POF1B: variants seen among roughly 807,000 people sequenced by gnomAD.
POF1B encodes protein POF1B.
In POF1B, 53 loss-of-function variants were observed where a neutral mutation model predicts 55.3. The ratio of observed to expected loss-of-function variants is 0.96; its 90% CI spans 0.77 to 1.20. The LOEUF (loss-of-function observed/expected upper bound fraction) is 1.20, where lower values mean the gene tolerates loss of function less well. Among genes scored for constraint, POF1B ranks in the 50% most tolerant of loss-of-function variants. The pLI is 0.00. For missense variants in POF1B, 478 were observed against 420.5 expected, an observed-to-expected ratio of 1.14 and a Z score of -1.20; for synonymous variants, 188 against 148.3, an observed-to-expected ratio of 1.27 and a Z score of -1.95.
chrX:85,322,472 A>T (rs1409154094), intron 7 of POF1B, among the ~76,000 whole-genome samples: 2 of 111,928 alleles, frequency 1.8e-5, no homozygotes, highest in East Asian at 2.8e-4. Flanking sequence ...TAAACATTAG[A>T]CCTAAAACCA....
chrX:85,335,991 C>A (rs1933066361), intron 6 of POF1B, among the ~76,000 whole-genome samples: 1 of 109,846 alleles, frequency 9.1e-6, no homozygotes, highest in African/African-American at 3.3e-5. Context: ...CCCTAATACT[C>A]TCTCACCCCC....
At chrX:85,315,336 T>A (rs1169119633) in intron 8 of POF1B, among the ~76,000 whole-genome samples, 1 of 111,428 alleles carries the variant, frequency 9.0e-6, no homozygotes, top group Non-Finnish European at 1.9e-5. Context: ...TAATTAATCA[T>A]ATAGATTTCA....
chrX:85,367,585 G>A lies in POF1B; in HGVS notation c.357+107C>T, dbSNP rs367995873. On this transcript the variant is annotated intron_variant, in intron 3 of 16. Coordinates refer to ENST00000262753, the MANE Select transcript of POF1B (RefSeq NM_024921.4). Reference sequence around the variant, plus strand: ...TCATATTTTATGATCCTCACATGGTGTGAATGTGTAAAGTCTTATGGGGGT... The same window carrying A: ...TCATATTTTATGATCCTCACATGGTATGAATGTGTAAAGTCTTATGGGGGT... The A allele has an allele frequency of 6.7e-4, 354 of 527,994 alleles. 2 individuals carry two copies. Among genetic ancestry groups the A allele is most frequent in the South Asian group, 5.5e-3 (196 of 35,387 alleles). The allele number at this position is 527,994 out of a possible 1,213,427, so 43.5% of individuals were successfully genotyped here.
intron 6 of POF1B, among the ~76,000 whole-genome samples, chrX:85,341,047 C>T (rs939320447): frequency 9.1e-6 from 1 of 110,459 alleles, no homozygotes. Flanking sequence ...GGAGATTTAA[C>T]TATATTGGGA....
Position 85,306,345 on chromosome X carries a change from A to T in POF1B, c.1165-12T>A, listed in dbSNP as rs1382792632. 8.3e-7 allele frequency: 1 copy of T among 1,198,819 alleles called. No homozygotes were observed. The highest frequency in any genetic ancestry group is 1.1e-6 in the Non-Finnish European group (1 of 890,094). ...TCTTGAAGTCCTTGCTGTAAAGAAG[A>T]CACAAGTACATAAGACAAATGCATT... On this transcript the variant is annotated splice_polypyrimidine_tract_variant and intron_variant, in intron 11 of 16. Transcript: ENST00000262753.
At chrX:85,372,790 T>TATATATATATATATATATATATATA (rs1221938023) in intron 2 of POF1B, among the ~76,000 whole-genome samples, 1 of 103,423 alleles carries the variant, frequency 9.7e-6, no homozygotes, top group African/African-American at 3.5e-5. Context: ...TATATATACT[T>TATATATATATATATATATATATATA]TAAGTTCTGG....
chrX:85,349,435 A>G (rs1341863469), intron 5 of POF1B, among the ~76,000 whole-genome samples: 1 of 111,159 alleles, frequency 9.0e-6, no homozygotes, highest in Non-Finnish European at 1.9e-5. Flanking sequence ...TCTCATACCC[A>G]AGATATGGTG....
At position 85,278,091 on chromosome X, in the gene POF1B, A is replaced by G. The variant is rs781375602; in HGVS notation, c.*1330T>C. On this transcript the variant is annotated 3_prime_UTR_variant, in exon 17 of 17. Transcript: ENST00000262753. ...TTAGCCGAAATATTAAGATAATATA[A>G]ATAAGGCTTTTAGCTTCATATCAAG... 6 of 111,300 alleles carry G rather than the reference A, an allele frequency of 5.4e-5. No homozygotes were observed. Among genetic ancestry groups the G allele is most frequent in the Non-Finnish European group, 1.1e-4 (6 of 52,621 alleles). 9.2% of individuals were successfully genotyped at this position (111,300 alleles called of 1,213,427 possible). A position where few individuals can be genotyped will look rare whatever the true frequency, so the allele number is the denominator to read the frequency against.
chrX:85,343,041 G>T (rs1395389318), intron 6 of POF1B, among the ~76,000 whole-genome samples: 2 of 106,723 alleles, frequency 1.9e-5, no homozygotes, highest in Non-Finnish European at 3.9e-5. Flanking sequence ...GAAAAAGCTG[G>T]GGGTGGGGGG....
At chrX:85,280,173 G>T (rs910783273) in intron 16 of POF1B, among the ~76,000 whole-genome samples, 1 of 111,369 alleles carries the variant, frequency 9.0e-6, no homozygotes, top group African/African-American at 3.2e-5. Flanking sequence ...CAGCTCTAAA[G>T]AAACTTTTTG....
intron 3 of POF1B, 134 bp downstream of exon 3, chrX:85,367,558 T>A: frequency 1.1e-5 from 5 of 446,881 alleles, no homozygotes; most frequent in Non-Finnish European, 1.9e-5. Context: ...GAGAATCCTC[T>A]TTCATATTTT....
chrX:85,285,419 A>G (rs1179075783), intron 15 of POF1B, among the ~76,000 whole-genome samples: 1 of 111,067 alleles, frequency 9.0e-6, no homozygotes, highest in Non-Finnish European at 1.9e-5. Context: ...CATCAATGAT[A>G]GACTGGATTA....
At chrX:85,279,703 A>G (rs897880418) in intron 16 of POF1B, among the ~76,000 whole-genome samples, 3 of 111,031 alleles carry the variant, frequency 2.7e-5, no homozygotes, top group African/African-American at 9.8e-5. Context: ...AATATGTCCA[A>G]TTGTCTCTTA....
Position 85,308,114 on chromosome X carries a change from TA to T in POF1B, c.1050+9del. On this transcript the variant is annotated intron_variant, in intron 10 of 16. Transcript: ENST00000262753. ...AGAAAGGCTTTGGAAAAAATCAAAA[TA>T]AATCTTACTGTCATATCATTTTGAA... 8.8e-7 allele frequency: 1 copy of T among 1,136,182 alleles called. No individual in the cohort carries two copies. The highest frequency in any genetic ancestry group is 1.2e-6 in the Non-Finnish European group (1 of 835,519). The allele number at this position is 1,136,182 out of a possible 1,213,427, so 93.6% of individuals were successfully genotyped here.
At chrX:85,332,555 G>C (rs1932998732) in intron 6 of POF1B, among the ~76,000 whole-genome samples, 5 of 111,187 alleles carry the variant, frequency 4.5e-5, no homozygotes, top group Admixed American at 1.9e-4. Flanking sequence ...TTATTCTTAA[G>C]CATATAGATG....
chrX:85,356,130 TA>T (rs1389728541), intron 4 of POF1B, among the ~76,000 whole-genome samples: 8 of 110,890 alleles, frequency 7.2e-5, no homozygotes, highest in African/African-American at 2.6e-4. Context: ...TATGCAGCCA[TA>T]AAAAACGATG....
At chrX:85,322,962 T>G (rs1443451948) in intron 7 of POF1B, among the ~76,000 whole-genome samples, 3 of 109,484 alleles carry the variant, frequency 2.7e-5, no homozygotes, top group African/African-American at 1.0e-4. Flanking sequence ...CTGGAGAGGA[T>G]GTGGAGAAAT....
chrX:85,308,628 T>C (rs1289236396), intron 9 of POF1B, among the ~76,000 whole-genome samples: 1 of 111,753 alleles, frequency 8.9e-6, no homozygotes, highest in African/African-American at 3.2e-5. Context: ...ATAATTATAA[T>C]TAAGTTTAAC....
intron 1 of POF1B, 39 bp downstream of exon 1, chrX:85,379,600 C>G (rs1933981365): frequency 3.3e-6 from 2 of 599,242 alleles, no homozygotes. Flanking sequence ...CTTATCAAAA[C>G]CTCTGCCAAT....
Sources: gnomAD v4.1 joint callset for allele counts (sites outside exome capture counted in the v4.1 genomes callset) on GRCh38, gnomAD v4.1.1 for gene constraint, MANE v1.5 for transcripts, NCBI Gene and HGNC (gene_info 2026-07-23, HGNC 2026-07-21) for gene names.